The following FAM133B variants were observed in gnomAD, a reference collection of about 807,000 sequenced individuals.
FAM133B encodes the protein protein FAM133B.
FAM133B carries 25 observed loss-of-function variants against 46.4 expected under a neutral mutation model. The ratio of observed to expected loss-of-function variants is 0.54; its 90% CI spans 0.39 to 0.75. The LOEUF (loss-of-function observed/expected upper bound fraction) is 0.75, where lower values mean the gene tolerates loss of function less well. FAM133B is among the 30% of genes least tolerant of loss of function. FAM133B has a pLI of 0.00. For missense variants in FAM133B, 205 were observed against 277.6 expected, an observed-to-expected ratio of 0.74 and a Z score of 1.86; for synonymous variants, 75 against 86.0, an observed-to-expected ratio of 0.87 and a Z score of 0.71.
chr7:92,586,821 G>A (rs1795049501), intron 1 of FAM133B, among the ~76,000 whole-genome samples: 1 of 152,186 alleles, frequency 6.6e-6, no homozygotes, highest in Admixed American at 6.5e-5. Flanking sequence ...TCCCAAAGTA[G>A]CAGAAAAGAA....
intron 10 of FAM133B, 114 bp downstream of exon 10, chr7:92,565,899 TC>T: frequency 8.9e-7 from 1 of 1,128,212 alleles, no homozygotes. Flanking sequence ...ACCACACCTT[TC>T]CCAACAAATA....
intron 1 of FAM133B, among the ~76,000 whole-genome samples, chr7:92,585,998 C>G (rs910685651): frequency 3.9e-5 from 6 of 152,154 alleles, no homozygotes; most frequent in Admixed American, 2.0e-4. Context: ...GTTTTACAGT[C>G]TTCAAGTTAT....
Position 92,578,322 on chromosome 7 carries a change from T to C in FAM133B, c.273A>G (p.Arg91=). 1 of 1,613,476 alleles carries C rather than the reference T, an allele frequency of 6.2e-7. No homozygotes were observed. The highest frequency in any genetic ancestry group is 1.3e-5 in the African/African-American group (1 of 75,048). ...AATAAACTAAAAGTGGTATTACCTG[T>C]CTTTTTTTGGATGAGCTCTCACTTC... ...LSGSESSSKK[R]QRKKKEKKKS... is the part of the protein sequence containing the mutation. The change falls in exon 4 of 11, where the codon AGA becomes AGG. Residue 91 remains arginine, a synonymous_variant. Transcript: ENST00000445716.
At position 92,577,713 on chromosome 7, in the gene FAM133B, G is replaced by A; in HGVS notation, c.314C>T (p.Ser105Leu). 6.3e-7 allele frequency: 1 copy of A among 1,576,670 alleles called. No individual in the cohort carries two copies. The highest frequency in any genetic ancestry group is 8.6e-7 in the Non-Finnish European group (1 of 1,160,070). The stretch of plus-strand genomic sequence containing the variant: ...ATCAGAGCTTGATGAAGAAGAAGAT[G>A]AATACTTGACCAAGCACAAAACAAT... Reference protein sequence around the residue: ...KKEKKKSGRYSSSSSSSSDSS... With the variant: ...KKEKKKSGRYLSSSSSSSDSS... The change falls in exon 6 of 11, where the codon TCA (serine) becomes TTA (leucine). Residue 105 changes from serine to leucine, a missense_variant. Ser to Leu is a moderately radical substitution (Grantham distance 145). Transcript: ENST00000445716.
chr7:92,573,389 A>C (rs1177779341), intron 8 of FAM133B, among the ~76,000 whole-genome samples: 1 of 151,740 alleles, frequency 6.6e-6, no homozygotes, highest in Non-Finnish European at 1.5e-5. Flanking sequence ...TCCTGGCCTT[A>C]AGTGATCCTC....
intron 10 of FAM133B, 101 bp downstream of exon 10, chr7:92,565,913 T>C (rs1390285603): frequency 3.2e-6 from 4 of 1,250,208 alleles, no homozygotes; most frequent in African/African-American, 1.5e-5. Flanking sequence ...AACAAATACT[T>C]ATTTGGTCCC....
intron 1 of FAM133B, chr7:92,585,363 T>C (rs1795010022): frequency 3.0e-6 from 3 of 984,834 alleles, no homozygotes; most frequent in South Asian, 9.4e-5. Flanking sequence ...CACATTCTAA[T>C]TTCCTTGGTA....
chr7:92,565,278 A>G (rs6948824), intron 10 of FAM133B, among the ~76,000 whole-genome samples: 28,991 of 144,536 alleles, frequency 0.2, 3,032 homozygotes, highest in East Asian at 0.36. Context: ...AGCCTCCCGA[A>G]TAGCTGGATT....
intron 1 of FAM133B, among the ~76,000 whole-genome samples, chr7:92,587,678 G>A (rs1484337984): frequency 1.3e-5 from 2 of 152,150 alleles, no homozygotes; most frequent in Non-Finnish European, 2.9e-5. Flanking sequence ...AAGCTGCAGT[G>A]AGCCATGATG....
intron 8 of FAM133B, among the ~76,000 whole-genome samples, chr7:92,572,853 T>C (rs1168564748): frequency 3.3e-5 from 5 of 152,052 alleles, no homozygotes; most frequent in Admixed American, 3.3e-4. Context: ...GAGAAATAAT[T>C]GTGGTGGATT....
At chr7:92,578,921 C>A (rs2116407681) in intron 3 of FAM133B, among the ~76,000 whole-genome samples, 1 of 152,150 alleles carries the variant, frequency 6.6e-6, no homozygotes, top group Admixed American at 6.5e-5. Flanking sequence ...TAGTGGCCTG[C>A]AACTGTGGTC....
At chr7:92,573,337 T>A (rs1275978433) in intron 8 of FAM133B, among the ~76,000 whole-genome samples, 1 of 152,012 alleles carries the variant, frequency 6.6e-6, no homozygotes, top group African/African-American at 2.4e-5. Context: ...TTTCTTTGTG[T>A]AGAGATGGCC....
intron 10 of FAM133B, among the ~76,000 whole-genome samples, chr7:92,562,720 C>A (rs1228685388): frequency 3.9e-5 from 6 of 151,976 alleles, no homozygotes; most frequent in African/African-American, 1.5e-4. Context: ...AATGGAGTAA[C>A]CAAATAAAAA....
Position 92,590,288 on chromosome 7 carries a change from C to T in FAM133B, c.4G>A (p.Gly2Arg). 1 of 1,613,872 alleles carries T rather than the reference C, an allele frequency of 6.2e-7. No individual in the cohort carries two copies. The highest frequency in any genetic ancestry group is 8.5e-7 in the Non-Finnish European group (1 of 1,179,776). The change falls in exon 1 of 11, where the codon GGG (glycine) becomes AGG (arginine). Residue 2 changes from glycine (G) to arginine (R), a missense_variant. Coordinates refer to ENST00000445716, the MANE Select transcript of FAM133B (RefSeq NM_152789.4). ...CTCACCACCCGATTGTCCCGCTTCC[C>T]CATGGTGCTGGATCGAGCGCACAGT... The part of the protein sequence containing the change: M[G>R]KRDNRVAYMN...
intron 1 of FAM133B, among the ~76,000 whole-genome samples, chr7:92,582,304 T>TAACATAAATAACATAA (rs1562897314): frequency 0.014 from 1,942 of 143,584 alleles, 45 homozygotes; most frequent in African/African-American, 0.041. Flanking sequence ...ATAACATAAA[T>TAACATAAATAACATAA]AACATAAAAT....
At chr7:92,576,183 T>C (rs1391615621) in intron 7 of FAM133B, among the ~76,000 whole-genome samples, 1 of 152,246 alleles carries the variant, frequency 6.6e-6, no homozygotes, top group African/African-American at 2.4e-5. Context: ...TTTTGAATCC[T>C]TTGAGTTCTA....
chr7:92,578,872 C>A (rs1322593462), intron 3 of FAM133B, among the ~76,000 whole-genome samples: 2 of 151,902 alleles, frequency 1.3e-5, no homozygotes, highest in Non-Finnish European at 2.9e-5. Context: ...ATAGTGAGAA[C>A]CTGTCTCTAC....
At position 92,578,188 on chromosome 7, in the gene FAM133B, T is replaced by C; in HGVS notation, c.277-6A>G. ...TTCTTTTCTTTTTTCTTTCTCTAAA[T>C]GGAAACAAAAGTACAAGTCTAAATA... On this transcript the variant is annotated splice_polypyrimidine_tract_variant and splice_region_variant and intron_variant, in intron 4 of 10. Transcript: ENST00000445716. 1 of 1,611,772 alleles carries C rather than the reference T, an allele frequency of 6.2e-7. No individual in the cohort carries two copies. Among genetic ancestry groups the C allele is most frequent in the Non-Finnish European group, 8.5e-7 (1 of 1,179,076 alleles).
chr7:92,568,300 C>T (rs192339118), intron 9 of FAM133B, among the ~76,000 whole-genome samples: 70 of 152,058 alleles, frequency 4.6e-4, no homozygotes, highest in African/African-American at 1.5e-3. Flanking sequence ...ATGTAATATA[C>T]ACCTGCTACA....
Sources: gnomAD v4.1 joint callset for allele counts (sites outside exome capture counted in the v4.1 genomes callset) on GRCh38, gnomAD v4.1.1 for gene constraint, MANE v1.5 for transcripts, NCBI Gene and HGNC (gene_info 2026-07-23, HGNC 2026-07-21) for gene names.